The following CSMD2 variants were observed in gnomAD, a reference collection of about 807,000 sequenced individuals.
The protein encoded by CSMD2 is CUB and Sushi multiple domains 2.
In CSMD2, 130 loss-of-function variants were observed where a neutral mutation model predicts 398.5. That is an observed-to-expected ratio of 0.33 (90% CI 0.28 to 0.38). CSMD2 has a LOEUF of 0.38. CSMD2 is among the 10% of genes least tolerant of loss of function. The pLI is 1.00. For missense variants in CSMD2, 3,829 were observed against 4,764.9 expected (o/e 0.80, Z 5.78); for synonymous variants, 1,828 against 1,908.5 (o/e 0.96, Z 1.10).
intron 3 of CSMD2, among the ~76,000 whole-genome samples, chr1:33,973,063 A>G (rs1645829482): frequency 6.6e-6 from 1 of 152,136 alleles, no homozygotes; most frequent in Non-Finnish European, 1.5e-5. Flanking sequence ...CCCAAGACTC[A>G]GCTCCCAGCC....
At chr1:33,804,573 T>C (rs1656000617) in intron 10 of CSMD2, among the ~76,000 whole-genome samples, 1 of 151,900 alleles carries the variant, frequency 6.6e-6, no homozygotes, top group Admixed American at 6.6e-5. Flanking sequence ...TTTTCAGACC[T>C]GTTCTTCACT....
intron 15 of CSMD2, among the ~76,000 whole-genome samples, chr1:33,731,125 T>C (rs1646703827): frequency 6.6e-6 from 1 of 152,188 alleles, no homozygotes; most frequent in South Asian, 2.1e-4. Flanking sequence ...ATAAAGTATG[T>C]TTGGATTGTA....
intron 2 of CSMD2, among the ~76,000 whole-genome samples, chr1:34,080,094 GA>G (rs536874688): frequency 1.8e-3 from 254 of 143,408 alleles, no homozygotes; most frequent in African/African-American, 6.2e-3. Context: ...AAGAAAAAAA[GA>G]GTGTAATATT....
chr1:33,728,346 T>C (rs898642318), intron 15 of CSMD2, among the ~76,000 whole-genome samples: 1 of 151,988 alleles, frequency 6.6e-6, no homozygotes, highest in Non-Finnish European at 1.5e-5. Flanking sequence ...TTTTTTTTAA[T>C]GCTATAACCT....
At chr1:33,555,454 G>C (rs1164145932) in intron 55 of CSMD2, among the ~76,000 whole-genome samples, 1 of 152,250 alleles carries the variant, frequency 6.6e-6, no homozygotes, top group Non-Finnish European at 1.5e-5. Context: ...AGTTGATAAA[G>C]TGGCAGCAGG....
intron 13 of CSMD2, among the ~76,000 whole-genome samples, chr1:33,766,438 A>G (rs762232536): frequency 6.6e-6 from 1 of 152,234 alleles, no homozygotes; most frequent in Non-Finnish European, 1.5e-5. Flanking sequence ...GCAGGCACTC[A>G]ATAAATATGT....
At chr1:33,927,332 CCA>C (rs1403738046) in intron 4 of CSMD2, among the ~76,000 whole-genome samples, 1 of 152,042 alleles carries the variant, frequency 6.6e-6, no homozygotes, top group Admixed American at 6.5e-5. Flanking sequence ...ACTATTGCTC[CCA>C]GACTCCTATA....
In CSMD2 at chr1:33,580,913, G is replaced by GACGC; in HGVS notation, c.7241-18_7241-15dup. The GACGC allele has an allele frequency of 6.2e-7, 1 of 1,613,734 alleles. No individual in the cohort carries two copies. On this transcript the variant is annotated splice_polypyrimidine_tract_variant and intron_variant, in intron 47 of 70. Coordinates refer to ENST00000373381, the MANE Select transcript of CSMD2 (RefSeq NM_001281956.2). ...GTCCTGATGGACCTGGGGTGAGAAG[G>GACGC]ACGCAGGATTACAGACCATGGGAGC...
At chr1:34,031,971 T>C (rs1462497984) in intron 3 of CSMD2, among the ~76,000 whole-genome samples, 1 of 152,152 alleles carries the variant, frequency 6.6e-6, no homozygotes, top group African/African-American at 2.4e-5. Flanking sequence ...GACAGAGATC[T>C]AGAAGTACCA....
chr1:33,914,815 C>A (rs1293740352), intron 5 of CSMD2, among the ~76,000 whole-genome samples: 2 of 152,202 alleles, frequency 1.3e-5, no homozygotes, highest in African/African-American at 2.4e-5. Flanking sequence ...ACAACACTTC[C>A]AATTGATTAT....
rs1345306157 is a variant in CSMD2 at position 33,726,568 on chromosome 1, G to T, written c.2486C>A (p.Pro829His). ...GCACCTGTCGAAGGTGATTTTGATG[G>T]GGTAGCCTGGCTGGGCCTCAATCAC... Reference protein sequence around the residue: ...AWVIEAQPGYPIKITFDRFKT... With the variant: ...AWVIEAQPGYHIKITFDRFKT... Residue 829 changes from proline (P) to histidine (H), a missense_variant, in exon 16 of 71, where the codon CCC becomes CAC. Pro to His is a moderately conservative substitution (Grantham distance 77). Around this residue, in one of 5 missense-constraint regions of CSMD2, gnomAD observed 2,001 missense variants for 2,567.1 expected, o/e 0.78. Coordinates refer to ENST00000373381, the MANE Select transcript of CSMD2 (RefSeq NM_001281956.2). 6.2e-7 allele frequency: 1 copy of T among 1,612,028 alleles called. No homozygotes were observed. Among genetic ancestry groups the T allele is most frequent in the African/African-American group, 1.3e-5 (1 of 74,914 alleles).
At chr1:33,527,940 CAAAAAAAAA>C (rs61088318) in intron 64 of CSMD2, among the ~76,000 whole-genome samples, 1 of 108,580 alleles carries the variant, frequency 9.2e-6, no homozygotes. Context: ...GACTCTGTCT[CAAAAAAAAA>C]AAAAAAAAAA....
chr1:33,693,345 A>G (rs1230309939), intron 24 of CSMD2, among the ~76,000 whole-genome samples: 1 of 152,258 alleles, frequency 6.6e-6, no homozygotes, highest in African/African-American at 2.4e-5. Flanking sequence ...CATACATGAA[A>G]AGATGTTTAA....
In CSMD2 at chr1:33,514,211, C is replaced by T. The variant is rs528075337; in HGVS notation, c.*2413G>A. 3.3e-5 allele frequency: 5 copies of T among 151,708 alleles called. No individual in the cohort carries two copies. Among genetic ancestry groups the T allele is most frequent in the Admixed American group, 2.6e-4 (4 of 15,214 alleles). 9.4% of individuals were successfully genotyped at this position (151,708 alleles called of 1,614,324 possible). ...ATGTTTTCTGAAAACCATATTTATA[C>T]ATTTTATTACATTTACAAAAAAGGC... On this transcript the variant is annotated 3_prime_UTR_variant, in exon 71 of 71. Transcript: ENST00000373381.
At chr1:33,910,916 G>T (rs752671342) in intron 5 of CSMD2, among the ~76,000 whole-genome samples, 2 of 152,136 alleles carry the variant, frequency 1.3e-5, no homozygotes, top group Non-Finnish European at 2.9e-5. Context: ...GCTGGAGGTG[G>T]GTTTCTATTT....
Position 33,537,966 on chromosome 1 carries a change from G to C in CSMD2, c.9632-357C>G, listed in dbSNP as rs1165297902. ...TGTTCAGTTGTATGGAAACTTGTGC[G>C]GAGCGGCAAACCCAAGCCTATGTGA... On this transcript the variant is annotated intron_variant, in intron 60 of 70. Transcript: ENST00000373381. This position sits in a 1 kb window ranked among gnomAD's most constrained non-coding sequence, Gnocchi z 4.6. 6.6e-6 allele frequency among the ~76,000 whole-genome samples: 1 copy of C among 152,212 alleles called. No individual in the cohort carries two copies. The highest frequency in any genetic ancestry group is 1.5e-5 in the Non-Finnish European group (1 of 68,044).
chr1:33,703,662 C>T (rs1244837828), intron 22 of CSMD2, among the ~76,000 whole-genome samples: 1 of 152,174 alleles, frequency 6.6e-6, no homozygotes. Flanking sequence ...TCCGCTTGCA[C>T]ACGTGTGCTT....
intron 1 of CSMD2, among the ~76,000 whole-genome samples, chr1:34,119,539 C>G (rs1661956260): frequency 6.6e-6 from 1 of 151,600 alleles, no homozygotes. Context: ...AGTGGCTATA[C>G]AGAATATACA....
At chr1:34,103,167 T>G (rs1660152690) in intron 1 of CSMD2, among the ~76,000 whole-genome samples, 1 of 151,908 alleles carries the variant, frequency 6.6e-6, no homozygotes, top group Non-Finnish European at 1.5e-5. Flanking sequence ...CTGGGAACCC[T>G]CAAGACACCA....
Sources: allele counts gnomAD v4.1 joint callset (sites outside exome capture counted in the v4.1 genomes callset), GRCh38; gene constraint gnomAD v4.1.1; regional missense constraint gnomAD v4.1.1; non-coding constraint Gnocchi (gnomAD v3.1); transcripts MANE v1.5; gene names NCBI Gene and HGNC (gene_info 2026-07-23, HGNC 2026-07-21).